The following FAM221A variants were observed in gnomAD, a reference collection of about 807,000 sequenced individuals.
The protein encoded by FAM221A is protein FAM221A.
Under a neutral mutation model 37.6 loss-of-function variants are expected in FAM221A, and 43 were observed. That is an observed-to-expected ratio of 1.15 (90% CI 0.90 to 1.48). The LOEUF (loss-of-function observed/expected upper bound fraction) is 1.48. Among genes scored for constraint, FAM221A ranks in the 40% most tolerant of loss-of-function variants. The pLI, the probability that FAM221A is intolerant of heterozygous loss-of-function variation, is 0.00. For missense variants in FAM221A, 361 were observed against 361.5 expected, an observed-to-expected ratio of 1.00 and a Z score of 0.01; for synonymous variants, 135 against 132.9, an observed-to-expected ratio of 1.02 and a Z score of -0.11.
At chr7:23,685,279 AAACAAAACAAAACAAAAC>A (rs1390370824) in intron 2 of FAM221A, among the ~76,000 whole-genome samples, 1 of 151,338 alleles carries the variant, frequency 6.6e-6, no homozygotes, top group Non-Finnish European at 1.5e-5. Flanking sequence ...AAACAAAACA[AAACAAAACAAAACAAAAC>A]AAAACAAAAC....
intron 5 of FAM221A, among the ~76,000 whole-genome samples, chr7:23,699,274 C>A (rs1311822968): frequency 3.6e-5 from 5 of 140,168 alleles, no homozygotes; most frequent in Admixed American, 1.5e-4. Flanking sequence ...TGCCCCCACA[C>A]CTGGGTAATT....
chr7:23,690,157 A>G (rs1449015192), intron 3 of FAM221A, among the ~76,000 whole-genome samples: 2 of 129,310 alleles, frequency 1.5e-5, no homozygotes, highest in Non-Finnish European at 3.2e-5. Flanking sequence ...TGATTTATTT[A>G]TATGCCTTGG....
intron 4 of FAM221A, chr7:23,692,105 A>G (rs183415621): frequency 1.6e-6 from 1 of 644,596 alleles, no homozygotes; most frequent in Non-Finnish European, 1.9e-6. Flanking sequence ...ATGTGCACAC[A>G]CATATATCTT....
chr7:23,696,691 A>G (rs1785079850), intron 4 of FAM221A, among the ~76,000 whole-genome samples: 1 of 152,258 alleles, frequency 6.6e-6, no homozygotes, highest in Non-Finnish European at 1.5e-5. Context: ...ATAGGGAAAG[A>G]AAGCCTCTTC....
At chr7:23,685,791 T>C (rs1784333704) in intron 2 of FAM221A, among the ~76,000 whole-genome samples, 1 of 152,230 alleles carries the variant, frequency 6.6e-6, no homozygotes, top group East Asian at 1.9e-4. Context: ...CGTTTTGCTG[T>C]GTGTATGCTC....
chr7:23,697,196 A>G (rs1028507690), intron 4 of FAM221A, among the ~76,000 whole-genome samples: 2 of 152,344 alleles, frequency 1.3e-5, no homozygotes, highest in Middle Eastern at 3.4e-3. Context: ...CCCTTCTCCC[A>G]TGTTCCCACA....
intron 3 of FAM221A, among the ~76,000 whole-genome samples, chr7:23,690,188 TA>T (rs1784638940): frequency 1.3e-4 from 7 of 55,352 alleles, no homozygotes; most frequent in African/African-American, 3.4e-4. Context: ...TATATATATA[TA>T]TATATATATA....
intron 1 of FAM221A, among the ~76,000 whole-genome samples, chr7:23,684,273 G>T (rs181898596): frequency 7.1e-6 from 1 of 141,442 alleles, no homozygotes; most frequent in East Asian, 2.0e-4. Context: ...TTACATTCCA[G>T]CCTTTGTATA....
chr7:23,701,385 G>A (rs1189141327), intron 6 of FAM221A, among the ~76,000 whole-genome samples: 6 of 151,634 alleles, frequency 4.0e-5, no homozygotes, highest in Non-Finnish European at 5.9e-5. Context: ...GACCACAGGC[G>A]CCCACCACCA....
In FAM221A at chr7:23,691,409, C is replaced by T; in HGVS notation, c.450C>T (p.Phe150=). The T allele has an allele frequency of 6.2e-7, 1 of 1,614,144 alleles. No homozygotes were observed. The highest frequency in any genetic ancestry group is 8.5e-7 in the Non-Finnish European group (1 of 1,180,002). ...TCNTCSKCSG[F]HSCFTCACGQ... ...ATTCAGGTTCCAAGTGTTCAGGATTCCATAGCTGCTTCACTTGTGCTTGTG... is the reference window on the plus strand; with the variant it reads ...ATTCAGGTTCCAAGTGTTCAGGATTTCATAGCTGCTTCACTTGTGCTTGTG... Residue 150 remains phenylalanine (F), a synonymous_variant, in exon 4 of 7, where the codon TTC becomes TTT. Transcript: ENST00000344962.
At chr7:23,682,834 C>A (rs1035640600) in intron 1 of FAM221A, among the ~76,000 whole-genome samples, 2 of 152,114 alleles carry the variant, frequency 1.3e-5, no homozygotes, top group African/African-American at 4.8e-5. Flanking sequence ...TTTAAAAGAT[C>A]TTTTAAAGAT....
Position 23,691,388 on chromosome 7 carries a change from A to T in FAM221A, c.431-2A>T. ...TTTAACTCCCTTTACATCTTGATTC[A>T]GGTTCCAAGTGTTCAGGATTCCATA... On this transcript the variant is annotated splice_acceptor_variant, in intron 3 of 6. Transcript: ENST00000344962. LOFTEE classifies it high-confidence loss of function. 6.2e-7 allele frequency: 1 copy of T among 1,613,786 alleles called. No homozygotes were observed. Among genetic ancestry groups the T allele is most frequent in the Non-Finnish European group, 8.5e-7 (1 of 1,179,716 alleles).
At chr7:23,696,868 G>A (rs958621741) in intron 4 of FAM221A, among the ~76,000 whole-genome samples, 1 of 152,182 alleles carries the variant, frequency 6.6e-6, no homozygotes, top group Admixed American at 6.5e-5. Flanking sequence ...CTGGAATTTG[G>A]TTCCTTTTTG....
chr7:23,688,468 C>G (rs1195278026), intron 2 of FAM221A: 1 of 152,052 alleles, frequency 6.6e-6, no homozygotes, highest in Non-Finnish European at 1.5e-5. Context: ...TAAGAAGGAG[C>G]TTTGGCTTTC....
chr7:23,691,720 AT>A, intron 4 of FAM221A, 124 bp downstream of exon 4: 1 of 848,038 alleles, frequency 1.2e-6, no homozygotes, highest in Non-Finnish European at 1.8e-6. Flanking sequence ...CTCTCGTTTG[AT>A]TTTTATTTTT....
chr7:23,702,479 A>T lies in FAM221A; in HGVS notation c.*315A>T, dbSNP rs912949170. On this transcript the variant is annotated 3_prime_UTR_variant, in exon 7 of 7. Transcript: ENST00000344962. ...GTTTCAGGTATTTAAAAAATTAAAGATATTATCAAGGGTTTTGGACAAACA... is the reference window on the plus strand; with the variant it reads ...GTTTCAGGTATTTAAAAAATTAAAGTTATTATCAAGGGTTTTGGACAAACA... 5.9e-6 allele frequency: 1 copy of T among 170,078 alleles called. No individual in the cohort carries two copies. The highest frequency in any genetic ancestry group is 1.6e-4 in the East Asian group (1 of 6,410). The allele number at this position is 170,078 out of a possible 1,614,324, so 10.5% of individuals were successfully genotyped here. A position where few individuals can be genotyped will look rare whatever the true frequency, so the allele number is the denominator to read the frequency against.
At chr7:23,680,582 C>T (rs1194790528) in intron 1 of FAM221A, 4 of 372,296 alleles carry the variant, frequency 1.1e-5, no homozygotes, top group African/African-American at 2.2e-5. Flanking sequence ...TTTAAATGGC[C>T]ATTGAAAACA....
chr7:23,681,728 G>C (rs1198431310), intron 1 of FAM221A, among the ~76,000 whole-genome samples: 2 of 152,160 alleles, frequency 1.3e-5, no homozygotes, highest in African/African-American at 2.4e-5. Context: ...TTTTGCAATC[G>C]TAAATAACTT....
In FAM221A at chr7:23,684,498, G is replaced by T. The variant is rs775940059; in HGVS notation, c.66-1G>T. ...AAGAGAAATATATATTTTTGTTGTAGAATTGTTGGTGAGGATGATGGAGGG... is the reference window on the plus strand; with the variant it reads ...AAGAGAAATATATATTTTTGTTGTATAATTGTTGGTGAGGATGATGGAGGG... On this transcript the variant is annotated splice_acceptor_variant, in intron 1 of 6. Transcript: ENST00000344962. LOFTEE classifies it high-confidence loss of function. 2 of 1,577,708 alleles carry T rather than the reference G, an allele frequency of 1.3e-6. No individual in the cohort carries two copies. Among genetic ancestry groups the T allele is most frequent in the South Asian group, 2.3e-5 (2 of 87,178 alleles).
Sources: gnomAD v4.1 joint callset for allele counts (sites outside exome capture counted in the v4.1 genomes callset) on GRCh38, gnomAD v4.1.1 for gene constraint, MANE v1.5 for transcripts, NCBI Gene and HGNC (gene_info 2026-07-23, HGNC 2026-07-21) for gene names.